Variants in RBM25 observed in about 807,000 individuals in gnomAD.
RBM25 encodes the protein RNA-binding protein 25.
Under a neutral mutation model 120.7 loss-of-function variants are expected in RBM25, and 19 were observed. The observed-to-expected ratio is 0.16, with a 90% CI of 0.11 to 0.23. The LOEUF is 0.23. Ranked by LOEUF, RBM25 falls within the 10% of genes least tolerant of loss-of-function variation. RBM25 has a pLI of 1.00. For missense variants in RBM25, 605 were observed against 1,041.5 expected (o/e 0.58, Z 5.77); for synonymous variants, 390 against 326.7 (o/e 1.19, Z -2.09).
chr14:73,081,829 C>T (rs1895571104), intron 4 of RBM25, among the ~76,000 whole-genome samples: 2 of 152,178 alleles, frequency 1.3e-5, no homozygotes, highest in Non-Finnish European at 2.9e-5. Flanking sequence ...TCTGAATGCT[C>T]TTTGTGTGTG....
intron 10 of RBM25, among the ~76,000 whole-genome samples, chr14:73,104,697 A>G (rs1896142997): frequency 2.6e-5 from 4 of 152,132 alleles, no homozygotes; most frequent in Non-Finnish European, 5.9e-5. Flanking sequence ...GAGTCATCTC[A>G]CTGTTGAATA....
chr14:73,116,358 C>T (rs1896427217), intron 18 of RBM25, among the ~76,000 whole-genome samples: 1 of 152,148 alleles, frequency 6.6e-6, no homozygotes, highest in African/African-American at 2.4e-5. Context: ...GCACTTGGAA[C>T]TGCCACCAGA....
At chr14:73,117,210 C>CTTTTTTCTTTTTTTTT (rs1896451166) in intron 18 of RBM25, among the ~76,000 whole-genome samples, 1 of 49,424 alleles carries the variant, frequency 2.0e-5, no homozygotes, top group African/African-American at 7.6e-5. Flanking sequence ...TTCTTCTTTT[C>CTTTTTTCTTTTTTTTT]TTTTTTTTTT....
At chr14:73,099,825 C>A in intron 9 of RBM25, 75 bp downstream of exon 9, 1 of 1,497,446 alleles carries the variant, frequency 6.7e-7, no homozygotes. Context: ...CAAAAAAAAT[C>A]AACCTTAAAT....
intron 6 of RBM25, among the ~76,000 whole-genome samples, chr14:73,094,042 C>T (rs1296448974): frequency 1.3e-5 from 2 of 150,248 alleles, no homozygotes; most frequent in Non-Finnish European, 3.0e-5. Flanking sequence ...AGCTCCGCCT[C>T]CCGGGTTCAC....
intron 5 of RBM25, among the ~76,000 whole-genome samples, chr14:73,087,067 A>G (rs1234491281): frequency 6.6e-6 from 1 of 152,160 alleles, no homozygotes; most frequent in African/African-American, 2.4e-5. Flanking sequence ...TGAAATGTCA[A>G]ATTTACTATT....
chr14:73,083,897 A>C (rs1014134274), intron 5 of RBM25, among the ~76,000 whole-genome samples: 35 of 149,956 alleles, frequency 2.3e-4, no homozygotes, highest in Non-Finnish European at 4.3e-4. Flanking sequence ...TGGCCTGTTA[A>C]CTTTTTTTTT....
chr14:73,122,155 G>GT lies in RBM25; in HGVS notation c.*2352dup, dbSNP rs1273829661. ...CTATTAAGTTGCTTGAACTTTGTGGGTTAATTTTACCATAATCTCATAAAT... is the reference window on the plus strand; with the variant it reads ...CTATTAAGTTGCTTGAACTTTGTGGGTTTAATTTTACCATAATCTCATAAAT... On this transcript the variant is annotated 3_prime_UTR_variant, in exon 19 of 19. Transcript: ENST00000261973. 6.6e-6 allele frequency: 1 copy of GT among 151,380 alleles called. No homozygotes were observed. The highest frequency in any genetic ancestry group is 1.5e-5 in the Non-Finnish European group (1 of 67,552). 9.4% of individuals were successfully genotyped at this position (151,380 alleles called of 1,614,324 possible). A position where few individuals can be genotyped will look rare whatever the true frequency, so the allele number is the denominator to read the frequency against.
chr14:73,088,585 G>A (rs1271832279), intron 6 of RBM25: 2 of 346,730 alleles, frequency 5.8e-6, no homozygotes, highest in Non-Finnish European at 1.1e-5. Flanking sequence ...TTAGGTTGGG[G>A]GCTTTATCCA....
At chr14:73,114,973 C>G (rs1896393696) in intron 18 of RBM25, among the ~76,000 whole-genome samples, 1 of 152,158 alleles carries the variant, frequency 6.6e-6, no homozygotes, top group African/African-American at 2.4e-5. Flanking sequence ...GTGCTAGAAG[C>G]ATAAAAGTAG....
intron 1 of RBM25, chr14:73,068,010 G>A (rs971971512): frequency 1.3e-5 from 4 of 308,616 alleles, no homozygotes; most frequent in Non-Finnish European, 1.9e-5. Context: ...TTGACTGCCA[G>A]TTTCTTAAGT....
intron 2 of RBM25, among the ~76,000 whole-genome samples, chr14:73,075,284 G>A (rs1214972191): frequency 6.6e-6 from 1 of 151,816 alleles, no homozygotes; most frequent in Non-Finnish European, 1.5e-5. Context: ...TCAGCCTCCC[G>A]AGTAGCTGGG....
chr14:73,109,226 C>A (rs1896254454), intron 13 of RBM25, 116 bp from the exon 14 acceptor site: 2 of 1,115,872 alleles, frequency 1.8e-6, no homozygotes, highest in South Asian at 3.0e-5. Context: ...TTAAGACATT[C>A]TTTAACCTCT....
intron 5 of RBM25, among the ~76,000 whole-genome samples, chr14:73,086,542 C>T (rs936827155): frequency 6.6e-6 from 1 of 151,832 alleles, no homozygotes; most frequent in Non-Finnish European, 1.5e-5. Context: ...CCTGTTTTGT[C>T]ATATATTTGT....
At position 73,121,385 on chromosome 14, in the gene RBM25, A is replaced by G. The variant is rs560794702; in HGVS notation, c.*1580A>G. On this transcript the variant is annotated 3_prime_UTR_variant, in exon 19 of 19. Transcript: ENST00000261973. ...ATGTTGTAATTGTGTGGTGCATACTAGAAAAGTTAAAAATATGGGCTGAAC... is the reference window on the plus strand; with the variant it reads ...ATGTTGTAATTGTGTGGTGCATACTGGAAAAGTTAAAAATATGGGCTGAAC... The G allele has an allele frequency of 6.5e-6, 1 of 152,738 alleles. No homozygotes were observed. The highest frequency in any genetic ancestry group is 2.1e-4 in the South Asian group (1 of 4,830). 9.5% of individuals were successfully genotyped at this position (152,738 alleles called of 1,614,324 possible). A position where few individuals can be genotyped will look rare whatever the true frequency, so the allele number is the denominator to read the frequency against.
intron 4 of RBM25, among the ~76,000 whole-genome samples, chr14:73,081,776 G>A (rs1895569930): frequency 2.6e-5 from 4 of 152,142 alleles, no homozygotes; most frequent in Admixed American, 6.5e-5. Flanking sequence ...CTGCCTTATC[G>A]TGTTATAGCA....
At chr14:73,103,917 C>G (rs1038696162) in intron 10 of RBM25, among the ~76,000 whole-genome samples, 48 of 71,070 alleles carry the variant, frequency 6.8e-4, no homozygotes, top group African/African-American at 9.1e-4. Context: ...CTCTCTCTCT[C>G]TCTCTCTCTC....
At chr14:73,097,781 T>C (rs1298228082) in intron 7 of RBM25, among the ~76,000 whole-genome samples, 1 of 152,208 alleles carries the variant, frequency 6.6e-6, no homozygotes, top group Non-Finnish European at 1.5e-5. Context: ...TGAACAATAA[T>C]GGTATTGAAT....
At chr14:73,092,024 G>T (rs868002227) in intron 6 of RBM25, among the ~76,000 whole-genome samples, 1 of 152,000 alleles carries the variant, frequency 6.6e-6, no homozygotes, top group African/African-American at 2.4e-5. Context: ...CTTCTTGCCC[G>T]GTGGTACTTG....
Sources: allele counts gnomAD v4.1 joint callset (sites outside exome capture counted in the v4.1 genomes callset), GRCh38; gene constraint gnomAD v4.1.1; transcripts MANE v1.5; gene names NCBI Gene and HGNC (gene_info 2026-07-23, HGNC 2026-07-21).